Variants in SLAIN1 observed in about 807,000 individuals in gnomAD.
SLAIN1 encodes SLAIN motif-containing protein 1.
In SLAIN1, 17 loss-of-function variants were observed where a neutral mutation model predicts 55.4. The ratio of observed to expected loss-of-function variants is 0.31; its 90% CI spans 0.21 to 0.46. SLAIN1 has a LOEUF of 0.46. Among genes scored for constraint, SLAIN1 ranks in the 20% least tolerant of loss-of-function variants. SLAIN1 has a pLI of 1.00. For missense variants in SLAIN1, 682 were observed against 785.1 expected (o/e 0.87, Z 1.57); for synonymous variants, 348 against 337.4 (o/e 1.03, Z -0.35).
Position 77,763,373 on chromosome 13 carries a change from G to C in SLAIN1, c.*153G>C. 1.6e-6 allele frequency: 1 copy of C among 612,130 alleles called. No individual in the cohort carries two copies. Among genetic ancestry groups the C allele is most frequent in the East Asian group, 2.8e-5 (1 of 35,926 alleles). 37.9% of individuals were successfully genotyped at this position (612,130 alleles called of 1,614,324 possible). ...GTTTCTCAATGGACCAGTCACCAGA[G>C]ACTAATTATTGCACTTAAATATTTG... On this transcript the variant is annotated 3_prime_UTR_variant, in exon 7 of 7. Coordinates refer to ENST00000418532, the MANE Select transcript of SLAIN1 (RefSeq NM_001242868.2).
chr13:77,700,939 T>G (rs1035278168), intron 1 of SLAIN1, among the ~76,000 whole-genome samples: 1 of 152,206 alleles, frequency 6.6e-6, no homozygotes, highest in African/African-American at 2.4e-5. Flanking sequence ...GAATTCACCC[T>G]GTTAATACTC....
chr13:77,715,636 G>A (rs759179680), intron 1 of SLAIN1, among the ~76,000 whole-genome samples: 1 of 152,116 alleles, frequency 6.6e-6, no homozygotes, highest in Non-Finnish European at 1.5e-5. Context: ...CATTCCAATA[G>A]GTATGTGGTA....
At chr13:77,730,488 A>G (rs1872800548) in intron 2 of SLAIN1, among the ~76,000 whole-genome samples, 1 of 152,192 alleles carries the variant, frequency 6.6e-6, no homozygotes, top group African/African-American at 2.4e-5. Flanking sequence ...AATGTGAGAA[A>G]TGGTAGATGA....
chr13:77,706,173 A>G (rs2091088140), intron 1 of SLAIN1, among the ~76,000 whole-genome samples: 2 of 152,016 alleles, frequency 1.3e-5, no homozygotes. Flanking sequence ...TTAGACATCT[A>G]TGGACTTATT....
intron 1 of SLAIN1, among the ~76,000 whole-genome samples, chr13:77,710,346 A>G (rs1320634525): frequency 6.6e-6 from 1 of 152,190 alleles, no homozygotes; most frequent in Admixed American, 6.5e-5. Flanking sequence ...CTCACATGCA[A>G]AGGCACATAT....
chr13:77,722,546 C>G (rs992224971), intron 2 of SLAIN1, among the ~76,000 whole-genome samples: 3 of 151,980 alleles, frequency 2.0e-5, no homozygotes, highest in Non-Finnish European at 4.4e-5. Flanking sequence ...ATGGCCATTG[C>G]TTTGAATTTT....
chr13:77,753,098 G>A (rs1010561142), intron 4 of SLAIN1, 105 bp from the exon 5 acceptor site: 1 of 1,022,842 alleles, frequency 9.8e-7, no homozygotes. Context: ...GTAATAATTT[G>A]TATTTATTAT....
chr13:77,744,939 T>A (rs1010175574), intron 3 of SLAIN1, among the ~76,000 whole-genome samples: 3 of 152,086 alleles, frequency 2.0e-5, no homozygotes, highest in Non-Finnish European at 4.4e-5. Context: ...AACATCTTGC[T>A]TGAAGCTCCA....
chr13:77,762,827 A>AT (rs1387172368), intron 6 of SLAIN1, among the ~76,000 whole-genome samples: 2 of 152,078 alleles, frequency 1.3e-5, no homozygotes, highest in Admixed American at 1.3e-4. Context: ...TTTTTAGGTC[A>AT]TTTTTCTAGC....
chr13:77,702,146 T>C (rs2091037875), intron 1 of SLAIN1, among the ~76,000 whole-genome samples: 1 of 151,562 alleles, frequency 6.6e-6, no homozygotes, highest in African/African-American at 2.4e-5. Flanking sequence ...ATGTGCCACA[T>C]TTTCTTAATC....
intron 2 of SLAIN1, among the ~76,000 whole-genome samples, chr13:77,725,398 G>C (rs1234324467): frequency 6.6e-6 from 1 of 152,132 alleles, no homozygotes; most frequent in Non-Finnish European, 1.5e-5. Context: ...AGTGATGAGA[G>C]GTAAACAAAG....
intron 1 of SLAIN1, among the ~76,000 whole-genome samples, chr13:77,715,470 G>C (rs1261535022): frequency 6.6e-6 from 1 of 152,134 alleles, no homozygotes; most frequent in Non-Finnish European, 1.5e-5. Context: ...TGAGTGTCTG[G>C]AACAGAGAGT....
At chr13:77,712,042 T>A (rs1361812417) in intron 1 of SLAIN1, among the ~76,000 whole-genome samples, 1 of 152,154 alleles carries the variant, frequency 6.6e-6, no homozygotes, top group Non-Finnish European at 1.5e-5. Flanking sequence ...AAACTCTCAA[T>A]AAACTAGGTA....
chr13:77,730,168 A>C (rs1305878056), intron 2 of SLAIN1, among the ~76,000 whole-genome samples: 1 of 152,140 alleles, frequency 6.6e-6, no homozygotes, highest in Admixed American at 6.6e-5. Context: ...GAAACTAGAC[A>C]TGTGTGCAGC....
chr13:77,707,708 T>G (rs1407168582), intron 1 of SLAIN1, among the ~76,000 whole-genome samples: 1 of 152,172 alleles, frequency 6.6e-6, no homozygotes, highest in East Asian at 1.9e-4. Context: ...TCCTAGGAGA[T>G]GTAAGCAAGG....
chr13:77,697,800 TG>T lies in SLAIN1; in HGVS notation c.-112del. On this transcript the variant is annotated 5_prime_UTR_variant, in exon 1 of 7. An upstream open reading frame in the 5' UTR loses its in-frame stop. Transcript: ENST00000418532. Reference sequence around the variant, plus strand: ...CGCCGGCTCGGCCTCAGCCCGCGCGTGGTCGGCCCCCCAGGCCGGGGCGACA... The same window carrying T: ...CGCCGGCTCGGCCTCAGCCCGCGCGTGTCGGCCCCCCAGGCCGGGGCGACA... The T allele has an allele frequency of 9.1e-7, 1 of 1,095,306 alleles. No homozygotes were observed. Among genetic ancestry groups the T allele is most frequent in the Non-Finnish European group, 1.1e-6 (1 of 884,130 alleles). 67.8% of individuals were successfully genotyped at this position (1,095,306 alleles called of 1,614,324 possible).
At chr13:77,732,857 C>T (rs1872943832) in intron 2 of SLAIN1, among the ~76,000 whole-genome samples, 1 of 151,980 alleles carries the variant, frequency 6.6e-6, no homozygotes, top group Non-Finnish European at 1.5e-5. Flanking sequence ...GATAACTTCC[C>T]CTTTCTGACC....
intron 1 of SLAIN1, among the ~76,000 whole-genome samples, chr13:77,705,923 T>C (rs2091084932): frequency 1.3e-5 from 2 of 152,118 alleles, no homozygotes; most frequent in Admixed American, 1.3e-4. Context: ...CTGCTCACTG[T>C]CAGGAGACTG....
intron 2 of SLAIN1, among the ~76,000 whole-genome samples, chr13:77,739,896 G>C (rs955850282): frequency 6.6e-6 from 1 of 151,922 alleles, no homozygotes; most frequent in Non-Finnish European, 1.5e-5. Context: ...TTTCAGTCAA[G>C]CAACTTTGAA....
Sources: gnomAD v4.1 joint callset for allele counts (sites outside exome capture counted in the v4.1 genomes callset) on GRCh38, gnomAD v4.1.1 for gene constraint, MANE v1.5 for transcripts, NCBI Gene and HGNC (gene_info 2026-07-23, HGNC 2026-07-21) for gene names.